The following UNC80 variants were observed in gnomAD, a reference collection of about 807,000 sequenced individuals.
UNC80 encodes the protein unc-80 subunit of NALCN channel complex, also known as protein unc-80 homolog.
Under a neutral mutation model 384.6 loss-of-function variants are expected in UNC80, and 164 were observed. That is an observed-to-expected ratio of 0.43 (90% confidence interval 0.38 to 0.49). The LOEUF (loss-of-function observed/expected upper bound fraction) is 0.49. Among genes scored for constraint, UNC80 ranks in the 20% least tolerant of loss-of-function variants. UNC80 has a pLI of 0.00. For synonymous variants in UNC80, 1,486 were observed against 1,527.8 expected, an observed-to-expected ratio of 0.97 and a Z score of 0.64; for missense variants, 3,330 against 4,143.0, an observed-to-expected ratio of 0.80 and a Z score of 5.39.
rs150156344 is a variant in UNC80, at chr2:209,923,058, T to C, written c.5662+675T>C. ...CTGGATATAAGTCACTTATCAGATA[T>C]ATGATTTGCAAATATTTTCTCCCAT... On this transcript the variant is annotated intron_variant, in intron 35 of 64. Coordinates refer to ENST00000673920, the MANE Select transcript of UNC80 (RefSeq NM_001371986.1). 5.3e-3 allele frequency among the ~76,000 whole-genome samples: 804 copies of C among 152,340 alleles called. 10 individuals carry two copies. Among genetic ancestry groups the C allele is most frequent in the African/African-American group, 0.018 (752 of 41,578 alleles).
At chr2:209,953,220 C>A (rs1276104721) in intron 47 of UNC80, among the ~76,000 whole-genome samples, 1 of 151,814 alleles carries the variant, frequency 6.6e-6, no homozygotes, top group Non-Finnish European at 1.5e-5. Flanking sequence ...GAGTTTGAGA[C>A]CAGCCTGGCC....
Position 209,777,523 on chromosome 2 carries a change from C to T in UNC80, c.564C>T (p.Phe188=), listed in dbSNP as rs755184462. The T allele has an allele frequency of 1.1e-5, 17 of 1,613,222 alleles. No homozygotes were observed. In the Middle Eastern group the frequency reaches 6.6e-4, roughly 62 times the overall value. The change falls in exon 4 of 65, where the codon TTC becomes TTT. Residue 188 remains phenylalanine (F), a synonymous_variant. Transcript: ENST00000673920. ...FQNSMATVEL[F]VFLFAPLVHR... The stretch of plus-strand genomic sequence containing the variant: ...ACTCCATGGCTACTGTGGAGCTCTT[C>T]GTGTTTCTGTTTGCTCCCCTGGTAC...
chr2:209,936,793 C>T, intron 40 of UNC80, 51 bp from the exon 41 acceptor site: 1 of 1,301,268 alleles, frequency 7.7e-7, no homozygotes, highest in Middle Eastern at 1.8e-4. Flanking sequence ...CTACCTAGCA[C>T]ATAATATCTT....
chr2:209,793,692 C>T, intron 6 of UNC80, 28 bp from the exon 7 acceptor site: 1 of 1,608,246 alleles, frequency 6.2e-7, no homozygotes, highest in Non-Finnish European at 8.5e-7. Flanking sequence ...AAAAACAAAA[C>T]CTAATCTGCT....
chr2:209,922,577 A>T (rs2090122327), intron 35 of UNC80, among the ~76,000 whole-genome samples, 194 bp downstream of exon 35: 1 of 152,196 alleles, frequency 6.6e-6, no homozygotes. Flanking sequence ...GTTATTTTTA[A>T]GTTGGCTCTA....
At chr2:209,981,564 G>A (rs1427653820) in intron 59 of UNC80, among the ~76,000 whole-genome samples, 6 of 150,382 alleles carry the variant, frequency 4.0e-5, no homozygotes, top group Admixed American at 2.0e-4. Flanking sequence ...GCAACAGAGC[G>A]AGCCTCTGTC....
rs1166275080 is a variant in UNC80 at position 209,993,396 on chromosome 2, A to C, written c.9478A>C (p.Arg3160=). 1 of 1,551,680 alleles carries C rather than the reference A, an allele frequency of 6.4e-7. No homozygotes were observed. Among genetic ancestry groups the C allele is most frequent in the East Asian group, 2.4e-5 (1 of 40,922 alleles). The part of the protein sequence containing the change: ...RQGARLSTTR[R]SIQPKTKPSA... Reference sequence around the variant, plus strand: ...AGGGGCTCGGCTGTCAACCACTCGCAGGAGCATTCAACCTAAAACGAAGCC... The same window carrying C: ...AGGGGCTCGGCTGTCAACCACTCGCCGGAGCATTCAACCTAAAACGAAGCC... The change falls in exon 63 of 65, where the codon AGG becomes CGG. Residue 3160 remains arginine, a synonymous_variant. Coordinates refer to ENST00000673920, the MANE Select transcript of UNC80 (RefSeq NM_001371986.1).
At chr2:209,799,847 G>A (rs1033733400) in intron 7 of UNC80, among the ~76,000 whole-genome samples, 6 of 152,108 alleles carry the variant, frequency 3.9e-5, no homozygotes, top group Admixed American at 2.0e-4. Flanking sequence ...TTTGTCTTTC[G>A]TTCTGTTTAT....
chr2:209,782,623 A>G (rs539114463), intron 4 of UNC80, among the ~76,000 whole-genome samples: 1 of 152,126 alleles, frequency 6.6e-6, no homozygotes, highest in Non-Finnish European at 1.5e-5. Context: ...TAGGTATTTA[A>G]TTAATATTAA....
intron 28 of UNC80, among the ~76,000 whole-genome samples, chr2:209,898,759 A>G (rs915871492): frequency 6.6e-6 from 1 of 151,628 alleles, no homozygotes; most frequent in Non-Finnish European, 1.5e-5. Context: ...CTCTCCCTCA[A>G]CCCCCTACTA....
In UNC80 at chr2:209,813,853, C is replaced by G. The variant is rs2079537200; in HGVS notation, c.1200+12C>G. ...CCCACAAAACCCAAGTAAGAAAAAC[C>G]CGGTTCATTGTCATTCAAACCAGCA... On this transcript the variant is annotated intron_variant, in intron 8 of 64. Coordinates refer to ENST00000673920, the MANE Select transcript of UNC80 (RefSeq NM_001371986.1). 3 of 1,549,626 alleles carry G rather than the reference C, an allele frequency of 1.9e-6. No individual in the cohort carries two copies. The highest frequency in any genetic ancestry group is 2.6e-6 in the Non-Finnish European group (3 of 1,145,876).
intron 29 of UNC80, among the ~76,000 whole-genome samples, chr2:209,908,261 TC>T (rs2088500090): frequency 6.6e-6 from 1 of 152,234 alleles, no homozygotes; most frequent in South Asian, 2.1e-4. Flanking sequence ...ATTCCTGTTT[TC>T]TTTTTAATTG....
At chr2:209,955,242 C>A (rs1244065384) in intron 48 of UNC80, among the ~76,000 whole-genome samples, 1 of 152,104 alleles carries the variant, frequency 6.6e-6, no homozygotes, top group African/African-American at 2.4e-5. Context: ...ACTCCCCCAG[C>A]CCCATCTTGC....
At chr2:209,908,837 G>A (rs556667129) in intron 29 of UNC80, among the ~76,000 whole-genome samples, 50 of 152,144 alleles carry the variant, frequency 3.3e-4, no homozygotes, top group Non-Finnish European at 5.9e-4. Context: ...TGTTAAAGCC[G>A]TATGAGGCAT....
At chr2:209,941,913 C>CA (rs1281735889) in intron 44 of UNC80, among the ~76,000 whole-genome samples, 3 of 151,780 alleles carry the variant, frequency 2.0e-5, no homozygotes, top group East Asian at 3.9e-4. Context: ...ATCTCTAAAA[C>CA]AAAAAAAAGT....
At chr2:209,837,687 G>C (rs147086543) in intron 18 of UNC80, among the ~76,000 whole-genome samples, 1,924 of 152,096 alleles carry the variant, frequency 0.013, 46 homozygotes, top group African/African-American at 0.042. Context: ...AACTGTTTCC[G>C]TGGTGTTGAA....
chr2:209,846,229 T>C lies in UNC80; in HGVS notation c.3455-3222T>C, dbSNP rs564449590. Among the ~76,000 whole-genome samples the C allele has an allele frequency of 8.5e-5, 13 of 152,262 alleles. No homozygotes were observed. The East Asian group carries it at 2.3e-3, about 27-fold the overall frequency. On this transcript the variant is annotated intron_variant, in intron 21 of 64. Transcript: ENST00000673920. ...TTTGAGATGAAATGCCAATAGAATT[T>C]CTTTAAAATTTAAAAGTTATTCAAT...
At chr2:209,925,400 A>T (rs775081873) in intron 35 of UNC80, among the ~76,000 whole-genome samples, 7 of 152,186 alleles carry the variant, frequency 4.6e-5, no homozygotes, top group South Asian at 2.1e-4. Flanking sequence ...ACAGCTCATA[A>T]AGGTAATGCG....
chr2:209,922,633 C>T (rs557044462), intron 35 of UNC80, among the ~76,000 whole-genome samples: 81 of 152,090 alleles, frequency 5.3e-4, no homozygotes, highest in Non-Finnish European at 1.0e-3. Context: ...GTTCAGAATA[C>T]ATCATTCTAG....
Sources: gnomAD v4.1 joint callset for allele counts (sites outside exome capture counted in the v4.1 genomes callset) on GRCh38, gnomAD v4.1.1 for gene constraint, MANE v1.5 for transcripts, NCBI Gene and HGNC (gene_info 2026-07-23, HGNC 2026-07-21) for gene names.